Variants in CLN6 observed in about 807,000 individuals in gnomAD.
CLN6 encodes CLN6 transmembrane ER protein.
In CLN6, 22 loss-of-function variants were observed where a neutral mutation model predicts 33.3. The observed-to-expected ratio is 0.66, with a 90% CI of 0.47 to 0.94. The LOEUF (loss-of-function observed/expected upper bound fraction) is 0.94. Ranked by LOEUF, CLN6 falls within the 40% of genes least tolerant of loss-of-function variation. The pLI, the probability that CLN6 is intolerant of heterozygous loss-of-function variation, is 0.00. For synonymous variants in CLN6, 201 were observed against 174.6 expected (o/e 1.15, Z -1.19); for missense variants, 387 against 417.1 (o/e 0.93, Z 0.63).
chr15:68,230,165 CAG>C (rs1390058457), upstream of CLN6, among the ~76,000 whole-genome samples: 3 of 152,092 alleles, frequency 2.0e-5, no homozygotes, highest in Non-Finnish European at 4.4e-5. This position sits in a 1 kb window ranked among gnomAD's most constrained non-coding sequence, Gnocchi z 4.0. Context: ...CTGGCGGTGA[CAG>C]TGGGAAGGAG....
intron 1 of CLN6, among the ~76,000 whole-genome samples, chr15:68,250,624 C>CAAAAA (rs57895966): frequency 1.6e-5 from 1 of 61,646 alleles, no homozygotes; most frequent in Non-Finnish European, 3.8e-5. Flanking sequence ...GACTCTGTCT[C>CAAAAA]AAAAAAAAAA....
Position 68,211,497 on chromosome 15 carries a change from G to C in CLN6, c.486+178C>G. 1 of 1,572,016 alleles carries C rather than the reference G, an allele frequency of 6.4e-7. No homozygotes were observed. Among genetic ancestry groups the C allele is most frequent in the Non-Finnish European group, 8.6e-7 (1 of 1,160,102 alleles). On this transcript the variant is annotated intron_variant, in intron 4 of 6. Coordinates refer to ENST00000249806, the MANE Select transcript of CLN6 (RefSeq NM_017882.3). This position sits in a 1 kb window ranked among gnomAD's most constrained non-coding sequence, Gnocchi z 5.9. The stretch of plus-strand genomic sequence containing the variant: ...GGGGCCCAGGTGGGAGGCAGTCTGT[G>C]CACCACTTCCTAAGAACACTTGAGC...
At chr15:68,224,517 G>A (rs1368198362) in intron 1 of CLN6, among the ~76,000 whole-genome samples, 1 of 151,460 alleles carries the variant, frequency 6.6e-6, no homozygotes, top group Non-Finnish European at 1.5e-5. Context: ...AGCTACTGGG[G>A]AGGCTGAGGC....
In CLN6 at chr15:68,246,051, GCACC is replaced by G. The variant is rs1321136148; in HGVS notation, c.179+10635_179+10638del. ...AAGTATCTATGCACTCAACACTGGA[GCACC>G]CAAGTATATTAAGTAAATATGAATC... On this transcript the variant is annotated intron_variant, in intron 1 of 6. Coordinates refer to the CLN6 transcript ENST00000538696. The surrounding 1 kb of genome is among the most constrained non-coding windows in gnomAD (Gnocchi z 4.5). Among the ~76,000 whole-genome samples, 2 of 152,116 alleles carry G rather than the reference GCACC, an allele frequency of 1.3e-5. No homozygotes were observed. The highest frequency in any genetic ancestry group is 2.9e-5 in the Non-Finnish European group (2 of 68,040).
rs1219660492 is a variant in CLN6 at position 68,256,903 on chromosome 15, G to A, written c.-35C>T. On this transcript the variant is annotated 5_prime_UTR_variant, in exon 1 of 7. Transcript: ENST00000538696. This position sits in a 1 kb window ranked among gnomAD's most constrained non-coding sequence, Gnocchi z 4.1. Reference sequence around the variant, plus strand: ...AGGCAAGGTCCTGGGCGCGGCTCTGGGGAGGGTCAGGGTGCGCGTCCCACC... The same window carrying A: ...AGGCAAGGTCCTGGGCGCGGCTCTGAGGAGGGTCAGGGTGCGCGTCCCACC... 1 of 653,054 alleles carries A rather than the reference G, an allele frequency of 1.5e-6. No homozygotes were observed. The highest frequency in any genetic ancestry group is 2.8e-6 in the Non-Finnish European group (1 of 361,886). The allele number at this position is 653,054 out of a possible 1,614,324, so 40.5% of individuals were successfully genotyped here. A position where few individuals can be genotyped will look rare whatever the true frequency, so the allele number is the denominator to read the frequency against.
chr15:68,221,484 G>A (rs28510354), intron 1 of CLN6, among the ~76,000 whole-genome samples: 1,688 of 151,902 alleles, frequency 0.011, 31 homozygotes, highest in African/African-American at 0.039. Flanking sequence ...TGCCCGCCTC[G>A]GCCTCCCGAG....
rs891107404 is a variant in CLN6, at chr15:68,210,771, G to A, written c.542+492C>T. 2.0e-5 allele frequency among the ~76,000 whole-genome samples: 3 copies of A among 152,104 alleles called. No homozygotes were observed. Among genetic ancestry groups the A allele is most frequent in the African/African-American group, 7.2e-5 (3 of 41,416 alleles). ...CTGGGAGTTCTGAAGAGGGGGGAGC[G>A]CAAACAGCACGCCCCTCCCCAGCCT... On this transcript the variant is annotated intron_variant, in intron 5 of 6. Transcript: ENST00000249806. The surrounding 1 kb of genome is among the most constrained non-coding windows in gnomAD (Gnocchi z 5.6).
At chr15:68,248,028 C>CAAAAAAAAAAAAAAAAAAAAA (rs34262273) in intron 1 of CLN6, among the ~76,000 whole-genome samples, 1 of 118,200 alleles carries the variant, frequency 8.5e-6, no homozygotes, top group African/African-American at 3.3e-5. Context: ...AACTCAGTCT[C>CAAAAAAAAAAAAAAAAAAAAA]AAAAAAAAAA....
intron 1 of CLN6, among the ~76,000 whole-genome samples, chr15:68,250,852 A>G (rs921394154): frequency 6.6e-6 from 1 of 152,192 alleles, no homozygotes; most frequent in African/African-American, 2.4e-5. Flanking sequence ...TAAAAAAATC[A>G]TAAGTTGGGG....
At chr15:68,254,756 A>T in intron 1 of CLN6, 1 of 780,620 alleles carries the variant, frequency 1.3e-6, no homozygotes, top group Admixed American at 1.7e-5. Context: ...GCCCAAACCT[A>T]AAAAGGCCCC....
chr15:68,253,055 A>C (rs1257153781), intron 1 of CLN6, among the ~76,000 whole-genome samples: 1 of 152,210 alleles, frequency 6.6e-6, no homozygotes, highest in African/African-American at 2.4e-5. Flanking sequence ...CTTTTGATGT[A>C]TCAAATACTA....
intron 1 of CLN6, among the ~76,000 whole-genome samples, chr15:68,252,498 T>C (rs1187111078): frequency 6.6e-6 from 1 of 152,232 alleles, no homozygotes; most frequent in Non-Finnish European, 1.5e-5. Context: ...GGTGAAGATA[T>C]GTATCAGTGG....
intron 1 of CLN6, among the ~76,000 whole-genome samples, chr15:68,226,944 A>T (rs1244203641): frequency 6.6e-6 from 1 of 152,250 alleles, no homozygotes; most frequent in East Asian, 1.9e-4. Flanking sequence ...GGTGCTAGGG[A>T]AGAGTGGGAC....
Position 68,208,327 on chromosome 15 carries a change from C to G in CLN6, c.749G>C (p.Arg250Pro). 1 of 1,614,082 alleles carries G rather than the reference C, an allele frequency of 6.2e-7. No homozygotes were observed. The highest frequency in any genetic ancestry group is 2.2e-5 in the East Asian group (1 of 44,878). Residue 250 changes from arginine (R) to proline (P), a missense_variant, in exon 7 of 7, where the codon CGC becomes CCC. Arg to Pro is a moderately radical substitution (Grantham distance 103). Transcript: ENST00000249806. This position sits in a 1 kb window ranked among gnomAD's most constrained non-coding sequence, Gnocchi z 5.8. ...GTTGCTGTCCAGGAAGAGGCGCTTG[C>G]GCTTCTGGTGCAGGACGAGGGCCAG... is the stretch of plus-strand genomic sequence containing the variant. Reference protein sequence around the residue: ...AMLALVLHQKRKRLFLDSNGL... With the variant: ...AMLALVLHQKPKRLFLDSNGL...
rs1307616184 is a variant in CLN6 at position 68,207,507 on chromosome 15, G to A, written c.*633C>T. On this transcript the variant is annotated 3_prime_UTR_variant, in exon 7 of 7. Transcript: ENST00000249806. ...GGAGTGCACATAGCCCCCAGGCAGG[G>A]AGAGGGCAGTGACAGGACAGAGCCA... The A allele has an allele frequency of 6.2e-6, 1 of 161,722 alleles. No homozygotes were observed. The highest frequency in any genetic ancestry group is 2.4e-5 in the African/African-American group (1 of 41,570). 10.0% of individuals were successfully genotyped at this position (161,722 alleles called of 1,614,324 possible).
At chr15:68,249,626 CATGAAG>C (rs61686557) in intron 1 of CLN6, among the ~76,000 whole-genome samples, 71,838 of 151,614 alleles carry the variant, frequency 0.47, 17,771 homozygotes, top group Non-Finnish European at 0.55. Context: ...AAGTGAATCT[CATGAAG>C]ATAGAGAGTA....
At chr15:68,229,403 G>C (rs374125159) in intron 1 of CLN6, 99 bp downstream of exon 1, 10 of 965,538 alleles carry the variant, frequency 1.0e-5, no homozygotes, top group Non-Finnish European at 8.6e-6. Context: ...CGCCGCACAC[G>C]AGGTTCCCGC....
intron 1 of CLN6, among the ~76,000 whole-genome samples, chr15:68,225,900 G>A (rs2093250358): frequency 1.3e-5 from 2 of 152,080 alleles, no homozygotes; most frequent in African/African-American, 4.8e-5. Context: ...AACTCTGGAG[G>A]TGGAGGTTGC....
rs1269438101 is a variant in CLN6, at chr15:68,211,489, C to G, written c.487-171G>C. The G allele has an allele frequency of 1.3e-6, 2 of 1,560,184 alleles. No individual in the cohort carries two copies. The highest frequency in any genetic ancestry group is 1.8e-5 in the Admixed American group (1 of 56,608). The stretch of plus-strand genomic sequence containing the variant: ...CTGTTACAGGGGCCCAGGTGGGAGG[C>G]AGTCTGTGCACCACTTCCTAAGAAC... On this transcript the variant is annotated intron_variant, in intron 4 of 6. Coordinates refer to ENST00000249806, the MANE Select transcript of CLN6 (RefSeq NM_017882.3). The surrounding 1 kb of genome is among the most constrained non-coding windows in gnomAD (Gnocchi z 5.9).
Sources: gnomAD v4.1 joint callset for allele counts (sites outside exome capture counted in the v4.1 genomes callset) on GRCh38, gnomAD v4.1.1 for gene constraint, Gnocchi (gnomAD v3.1) non-coding constraint, MANE v1.5 for transcripts, NCBI Gene and HGNC (gene_info 2026-07-23, HGNC 2026-07-21) for gene names.